ADGRL3: variants seen among roughly 807,000 people sequenced by gnomAD.
ADGRL3 encodes adhesion G protein-coupled receptor L3.
Under a neutral mutation model 153.5 loss-of-function variants are expected in ADGRL3, and 62 were observed. That is an observed-to-expected ratio of 0.40 (90% CI 0.33 to 0.50). ADGRL3 has a LOEUF of 0.50. ADGRL3 is among the 20% of genes least tolerant of loss of function. The pLI, the probability that ADGRL3 is intolerant of heterozygous loss-of-function variation, is 0.47. For missense variants in ADGRL3, 1,641 were observed against 1,859.4 expected (o/e 0.88, Z 2.16); for synonymous variants, 710 against 672.5 (o/e 1.06, Z -0.86).
intron 19 of ADGRL3, among the ~76,000 whole-genome samples, chr4:61,984,421 C>T (rs2099078687): frequency 6.6e-6 from 1 of 152,074 alleles, no homozygotes; most frequent in African/African-American, 2.4e-5. Context: ...AAAACACCAT[C>T]AGTGGCCAGA....
intron 9 of ADGRL3, among the ~76,000 whole-genome samples, chr4:61,848,364 T>G (rs899394369): frequency 6.6e-6 from 1 of 151,404 alleles, no homozygotes; most frequent in African/African-American, 2.4e-5. Context: ...CCTCTTCCAG[T>G]GTCTTGTAAC....
intron 5 of ADGRL3, among the ~76,000 whole-genome samples, chr4:61,618,090 G>A (rs1317703891): frequency 2.0e-5 from 3 of 152,258 alleles, no homozygotes; most frequent in Non-Finnish European, 2.9e-5. Context: ...TGGAATTGAG[G>A]AATAATTGGG....
At chr4:61,458,867 C>G (rs1441250731) in intron 2 of ADGRL3, among the ~76,000 whole-genome samples, 1 of 151,310 alleles carries the variant, frequency 6.6e-6, no homozygotes, top group African/African-American at 2.4e-5. Flanking sequence ...ACTAGGATCT[C>G]AAATTTTCAG....
intron 1 of ADGRL3, among the ~76,000 whole-genome samples, chr4:61,293,962 G>A (rs1578153404): frequency 1.3e-5 from 2 of 151,636 alleles, no homozygotes; most frequent in African/African-American, 4.9e-5. Flanking sequence ...CATAGTGACT[G>A]AAACATACTG....
At chr4:61,811,274 A>G (rs1363017210) in intron 8 of ADGRL3, among the ~76,000 whole-genome samples, 1 of 152,182 alleles carries the variant, frequency 6.6e-6, no homozygotes, top group Non-Finnish European at 1.5e-5. Flanking sequence ...TAGTATGTCT[A>G]TGCAATAGAC....
chr4:61,808,354 A>G (rs1292818110), intron 8 of ADGRL3, among the ~76,000 whole-genome samples: 2 of 152,172 alleles, frequency 1.3e-5, no homozygotes, highest in African/African-American at 2.4e-5. Context: ...CTGTGCAGCA[A>G]GTAAAATCCG....
chr4:61,646,985 G>GT (rs1163513947), intron 5 of ADGRL3, among the ~76,000 whole-genome samples: 2 of 152,230 alleles, frequency 1.3e-5, no homozygotes, highest in Non-Finnish European at 2.9e-5. Context: ...CTGGTGCGCC[G>GT]TTTTTTAAGC....
intron 1 of ADGRL3, among the ~76,000 whole-genome samples, chr4:61,249,768 A>C (rs1758530680): frequency 6.6e-6 from 1 of 152,186 alleles, no homozygotes; most frequent in Admixed American, 6.5e-5. Context: ...ATTAGCAGTC[A>C]CTGTTATTTT....
intron 5 of ADGRL3, among the ~76,000 whole-genome samples, chr4:61,646,834 A>C (rs1580068068): frequency 6.6e-6 from 1 of 151,990 alleles, no homozygotes; most frequent in Non-Finnish European, 1.5e-5. Context: ...TGCTTTGTTT[A>C]CCTAATCAAG....
At chr4:62,063,484 C>G in intron 25 of ADGRL3, 2 of 521,728 alleles carry the variant, frequency 3.8e-6, no homozygotes, top group Non-Finnish European at 6.8e-6. Context: ...TTTTCTCTGT[C>G]TTTCTATGGG....
chr4:61,644,994 G>A (rs866400971), intron 5 of ADGRL3, among the ~76,000 whole-genome samples: 3 of 152,072 alleles, frequency 2.0e-5, no homozygotes, highest in African/African-American at 7.2e-5. Context: ...ATATATTTAG[G>A]ATAGTTAGCT....
intron 9 of ADGRL3, among the ~76,000 whole-genome samples, chr4:61,817,569 G>T (rs989970358): frequency 1.3e-5 from 2 of 152,012 alleles, no homozygotes; most frequent in African/African-American, 4.8e-5. Context: ...CAGGTCTCCT[G>T]AGAGCCATTC....
In ADGRL3 at chr4:61,909,686, G is replaced by C; in HGVS notation, c.2014G>C (p.Val672Leu). 1 of 1,597,780 alleles carries C rather than the reference G, an allele frequency of 6.3e-7. No individual in the cohort carries two copies. Reference sequence around the variant, plus strand: ...GGACCAGCTGGTAGGCCTCCTAGATGTACAGCTTCGGAACTTGACCCCAGG... The same window carrying C: ...GGACCAGCTGGTAGGCCTCCTAGATCTACAGCTTCGGAACTTGACCCCAGG... ...AMDQLVGLLD[V>L]QLRNLTPGGK... The change falls in exon 12 of 27, where the codon GTA (valine) becomes CTA (leucine). Residue 672 changes from valine to leucine, a missense_variant. Around this residue, in one of 5 missense-constraint regions of ADGRL3, gnomAD observed 734 missense variants for 797.0 expected, o/e 0.92. Coordinates refer to ENST00000683033, the MANE Select transcript of ADGRL3 (RefSeq NM_001387552.1).
intron 2 of ADGRL3, among the ~76,000 whole-genome samples, chr4:61,471,655 C>A (rs1276905566): frequency 6.6e-6 from 1 of 151,858 alleles, no homozygotes; most frequent in African/African-American, 2.4e-5. Context: ...AGTTGATTAT[C>A]TTAAAATGAT....
intron 6 of ADGRL3, among the ~76,000 whole-genome samples, chr4:61,716,700 T>C (rs538313067): frequency 2.0e-5 from 3 of 152,274 alleles, no homozygotes; most frequent in South Asian, 2.1e-4. Flanking sequence ...TATAGTTCAC[T>C]AAACCGAGGG....
At chr4:61,734,687 A>T (rs2151839661) in intron 8 of ADGRL3, among the ~76,000 whole-genome samples, 1 of 152,336 alleles carries the variant, frequency 6.6e-6, no homozygotes, top group South Asian at 2.1e-4. Flanking sequence ...ACCCAGAGTC[A>T]AACCATATCA....
intron 1 of ADGRL3, among the ~76,000 whole-genome samples, chr4:61,267,493 T>G (rs138966898): frequency 8.2e-4 from 125 of 151,862 alleles, no homozygotes; most frequent in African/African-American, 2.9e-3. Context: ...CATTTGCACC[T>G]ACAGTGTCAG....
intron 6 of ADGRL3, among the ~76,000 whole-genome samples, chr4:61,682,353 T>C (rs2095354861): frequency 6.6e-6 from 1 of 151,968 alleles, no homozygotes; most frequent in Non-Finnish European, 1.5e-5. Context: ...TACCACAGTT[T>C]CTTTCCCTCC....
intron 6 of ADGRL3, among the ~76,000 whole-genome samples, chr4:61,718,496 A>C (rs982443208): frequency 6.6e-6 from 1 of 152,204 alleles, no homozygotes; most frequent in Admixed American, 6.5e-5. Flanking sequence ...TTCTATTTGA[A>C]ATGTATTTGT....
Sources: gnomAD v4.1 joint callset for allele counts (sites outside exome capture counted in the v4.1 genomes callset) on GRCh38, gnomAD v4.1.1 for gene constraint, gnomAD v4.1.1 regional missense constraint, MANE v1.5 for transcripts, NCBI Gene and HGNC (gene_info 2026-07-23, HGNC 2026-07-21) for gene names.